Variants in BLTP1 observed in about 807,000 individuals in gnomAD.
BLTP1 encodes bridge-like lipid transfer protein family member 1.
chr4:122,324,022 C>T, the BLTP1 span, among the ~76,000 whole-genome samples: 1 of 152,084 alleles, frequency 6.6e-6, no homozygotes, highest in East Asian at 1.9e-4. Context: ...AATGAAGAGT[C>T]CTACAAACGG....
At chr4:122,333,606 T>A in the BLTP1 span, 2 of 1,561,516 alleles carry the variant, frequency 1.3e-6, no homozygotes, top group East Asian at 4.6e-5. Context: ...TTTAAAAAGA[T>A]AAGAACATTT....
At chr4:122,340,870 T>A in the BLTP1 span, 1 of 908,032 alleles carries the variant, frequency 1.1e-6, no homozygotes, top group Non-Finnish European at 1.3e-6. Context: ...AATGAGAATA[T>A]CCCTTTATCC....
chr4:122,277,726 T>G, the BLTP1 span: 7 of 983,368 alleles, frequency 7.1e-6, no homozygotes, highest in Non-Finnish European at 6.0e-6. Context: ...ACTTCCTCCT[T>G]CCTATCAATT....
chr4:122,197,263 T>A, the BLTP1 span: 1 of 1,490,264 alleles, frequency 6.7e-7, no homozygotes, highest in Non-Finnish European at 9.0e-7. Flanking sequence ...CCAATGACAG[T>A]TGAAGAAAAT....
the BLTP1 span, chr4:122,250,679 C>A: frequency 8.9e-7 from 1 of 1,122,762 alleles, no homozygotes; most frequent in Non-Finnish European, 1.3e-6. Context: ...GCCTGTCTTT[C>A]CCTATTTTGG....
the BLTP1 span, among the ~76,000 whole-genome samples, chr4:122,265,959 G>T: frequency 2.2e-4 from 33 of 152,198 alleles, no homozygotes; most frequent in Non-Finnish European, 3.7e-4. Context: ...CTCCCAAAGT[G>T]CTGGGATTAC....
At chr4:122,254,634 C>G in the BLTP1 span, 5 of 752,448 alleles carry the variant, frequency 6.6e-6, no homozygotes, top group South Asian at 2.7e-4. Flanking sequence ...TTTCTATTGT[C>G]CATTTTTTTT....
chr4:122,251,172 G>A, the BLTP1 span: 2 of 925,146 alleles, frequency 2.2e-6, no homozygotes, highest in Non-Finnish European at 2.6e-6. Flanking sequence ...TGTAATAGGA[G>A]TATGGTCATG....
At chr4:122,189,027 ATGTGGAC>A in the BLTP1 span, 711 of 985,082 alleles carry the variant, frequency 7.2e-4, no homozygotes, top group South Asian at 1.5e-3. Context: ...ATCTTCTGGA[ATGTGGAC>A]TGTGCACACA....
the BLTP1 span, among the ~76,000 whole-genome samples, chr4:122,285,084 C>G: frequency 6.6e-6 from 1 of 152,084 alleles, no homozygotes; most frequent in Admixed American, 6.6e-5. Context: ...CCAGGGCTGA[C>G]AATAAGTTAC....
chr4:122,251,607 C>G, the BLTP1 span: 1 of 985,036 alleles, frequency 1.0e-6, no homozygotes, highest in Non-Finnish European at 1.2e-6. Flanking sequence ...CCTAGCTGTT[C>G]TTTCCTTCTC....
chr4:122,157,001 C>G, the BLTP1 span, among the ~76,000 whole-genome samples: 1 of 152,168 alleles, frequency 6.6e-6, no homozygotes, highest in Admixed American at 6.5e-5. Context: ...AAATGGTTCA[C>G]TCTTGTAATC....
the BLTP1 span, chr4:122,244,003 C>T: frequency 6.3e-7 from 1 of 1,597,506 alleles, no homozygotes. Context: ...GTTTTGACTC[C>T]CCTGGTGGCT....
chr4:122,169,216 A>G, the BLTP1 span, among the ~76,000 whole-genome samples: 1 of 152,052 alleles, frequency 6.6e-6, no homozygotes, highest in Non-Finnish European at 1.5e-5. Flanking sequence ...TTGCCTCCCA[A>G]AGCACTGGGA....
chr4:122,222,542 A>G, the BLTP1 span, among the ~76,000 whole-genome samples: 1 of 152,170 alleles, frequency 6.6e-6, no homozygotes, highest in Non-Finnish European at 1.5e-5. Context: ...AAAGTCCTAA[A>G]TCAAGGTGTT....
chr4:122,165,962 T>G, the BLTP1 span, among the ~76,000 whole-genome samples: 1 of 151,806 alleles, frequency 6.6e-6, no homozygotes, highest in Non-Finnish European at 1.5e-5. Context: ...CATTGTAGAT[T>G]CTGGATATTA....
At chr4:122,174,299 A>C in the BLTP1 span, 2 of 985,192 alleles carry the variant, frequency 2.0e-6, no homozygotes, top group Non-Finnish European at 1.2e-6. Flanking sequence ...ATGGCAGTGC[A>C]TAATTAAGGG....
At chr4:122,193,327 C>T in the BLTP1 span, among the ~76,000 whole-genome samples, 1 of 151,910 alleles carries the variant, frequency 6.6e-6, no homozygotes, top group African/African-American at 2.4e-5. Context: ...GAGAAGAAGG[C>T]TGTTTGGTTG....
chr4:122,189,143 A>G, the BLTP1 span: 12 of 868,790 alleles, frequency 1.4e-5, no homozygotes, highest in Non-Finnish European at 1.7e-5. Flanking sequence ...AATAATTTGT[A>G]TAAAAAGATT....
Sources: allele counts gnomAD v4.1 joint callset (sites outside exome capture counted in the v4.1 genomes callset), GRCh38; gene constraint gnomAD v4.1.1; transcripts MANE v1.5; gene names NCBI Gene and HGNC (gene_info 2026-07-23, HGNC 2026-07-21).